Variants in SNX2 observed in about 807,000 individuals in gnomAD.
SNX2 encodes the protein sorting nexin-2.
A neutral mutation model predicts 69.9 loss-of-function variants in SNX2; 25 were observed. The ratio of observed to expected loss-of-function variants is 0.36; its 90% CI spans 0.26 to 0.50. The LOEUF is 0.50. SNX2 is among the 20% of genes least tolerant of loss of function. SNX2 has a pLI of 0.97. For missense variants in SNX2, 551 were observed against 613.3 expected, an observed-to-expected ratio of 0.90 and a Z score of 1.07; for synonymous variants, 229 against 200.4, an observed-to-expected ratio of 1.14 and a Z score of -1.20.
intron 1 of SNX2, among the ~76,000 whole-genome samples, chr5:122,794,480 C>G (rs754719688): frequency 1.8e-4 from 27 of 152,164 alleles, no homozygotes; most frequent in Non-Finnish European, 1.9e-4. Flanking sequence ...CTTTGAACTT[C>G]TTGGACATGC....
At chr5:122,793,430 A>G (rs542986406) in intron 1 of SNX2, among the ~76,000 whole-genome samples, 49 of 152,308 alleles carry the variant, frequency 3.2e-4, no homozygotes, top group African/African-American at 1.1e-3. Context: ...ATTGATCCAT[A>G]CTGGTAGAAG....
chr5:122,802,679 G>T (rs1753542973), intron 5 of SNX2, among the ~76,000 whole-genome samples: 1 of 152,176 alleles, frequency 6.6e-6, no homozygotes, highest in African/African-American at 2.4e-5. Context: ...AGGATTTCCA[G>T]TTAAAGGGAC....
chr5:122,814,153 A>G (rs1753846888), intron 7 of SNX2, among the ~76,000 whole-genome samples: 5 of 152,204 alleles, frequency 3.3e-5, no homozygotes, highest in Admixed American at 3.3e-4. Context: ...GCTATTACCT[A>G]GCTGTTGTAT....
intron 12 of SNX2, chr5:122,826,489 G>T (rs1414613577): frequency 5.2e-6 from 1 of 192,822 alleles, no homozygotes; most frequent in East Asian, 1.9e-4. Flanking sequence ...ATTATTTTGT[G>T]TCTAAAAATG....
intron 1 of SNX2, among the ~76,000 whole-genome samples, chr5:122,788,940 CTTAT>C (rs1753149690): frequency 6.6e-6 from 1 of 152,100 alleles, no homozygotes; most frequent in Non-Finnish European, 1.5e-5. Context: ...TGTCTTTTCT[CTTAT>C]TTGGTCACAT....
intron 11 of SNX2, among the ~76,000 whole-genome samples, chr5:122,822,328 T>C (rs1457432280): frequency 6.6e-6 from 1 of 152,080 alleles, no homozygotes; most frequent in Non-Finnish European, 1.5e-5. Context: ...CGTGATCTAC[T>C]CACCTCGGCG....
At chr5:122,790,003 T>C (rs180913532) in intron 1 of SNX2, among the ~76,000 whole-genome samples, 2 of 152,296 alleles carry the variant, frequency 1.3e-5, no homozygotes, top group Admixed American at 6.5e-5. Flanking sequence ...TATCACAGTT[T>C]TTAAGGGTTG....
At chr5:122,814,712 A>G (rs1395054368) in intron 7 of SNX2, among the ~76,000 whole-genome samples, 1 of 151,840 alleles carries the variant, frequency 6.6e-6, no homozygotes, top group Non-Finnish European at 1.5e-5. Flanking sequence ...TAACTGAAAT[A>G]TTACTGCATA....
rs772366081 is a variant in SNX2, at chr5:122,816,940, C to G, written c.824C>G (p.Ala275Gly). 3 of 1,612,990 alleles carry G rather than the reference C, an allele frequency of 1.9e-6. No homozygotes were observed. ...SELPRAVNTQALSGAGILRMV... is the reference protein window; with the variant it reads ...SELPRAVNTQGLSGAGILRMV... Reference sequence around the variant, plus strand: ...CTGCCTAGAGCAGTTAATACACAGGCTCTGAGTGGAGCAGGAATATTGAGG... The same window carrying G: ...CTGCCTAGAGCAGTTAATACACAGGGTCTGAGTGGAGCAGGAATATTGAGG... The change falls in exon 9 of 15, where the codon GCT (alanine) becomes GGT (glycine). Residue 275 changes from alanine to glycine, a missense_variant. This residue lies in a region of SNX2 where 360 missense variants were observed against 450.4 expected (regional missense o/e 0.80). Transcript: ENST00000379516.
At chr5:122,787,252 G>A (rs892070009) in intron 1 of SNX2, among the ~76,000 whole-genome samples, 2 of 152,298 alleles carry the variant, frequency 1.3e-5, no homozygotes, top group South Asian at 2.1e-4. Context: ...GGGTGTGGTG[G>A]CTCACGCCTG....
intron 14 of SNX2, among the ~76,000 whole-genome samples, chr5:122,828,845 G>A (rs1361236886): frequency 1.3e-5 from 2 of 152,134 alleles, no homozygotes; most frequent in Admixed American, 6.5e-5. Context: ...TTGGCCGGGC[G>A]CAGCGGCTCA....
intron 11 of SNX2, among the ~76,000 whole-genome samples, chr5:122,822,327 C>A (rs1319402496): frequency 6.6e-6 from 1 of 152,220 alleles, no homozygotes; most frequent in Non-Finnish European, 1.5e-5. Context: ...TCGTGATCTA[C>A]TCACCTCGGC....
intron 11 of SNX2, among the ~76,000 whole-genome samples, chr5:122,819,707 G>A (rs1267383763): frequency 2.0e-5 from 3 of 152,150 alleles, no homozygotes; most frequent in Non-Finnish European, 4.4e-5. Flanking sequence ...TTGAATTTTT[G>A]TTATGGATAT....
chr5:122,817,137 T>C (rs1007916919), intron 9 of SNX2, 109 bp downstream of exon 9: 2 of 1,122,502 alleles, frequency 1.8e-6, no homozygotes, highest in Non-Finnish European at 1.3e-6. Flanking sequence ...TTATTGAGTT[T>C]AGTTCTCAGC....
In SNX2 at chr5:122,789,474, G is replaced by GACACACACACACACAC. The variant is rs60199625; in HGVS notation, c.109-5777_109-5762dup. ...ACACACACACACACAGACACACACG[G>GACACACACACACACAC]ACACACACACACACACACACACACA... On this transcript the variant is annotated intron_variant, in intron 1 of 14. Transcript: ENST00000379516. 1.6e-3 allele frequency among the ~76,000 whole-genome samples: 233 copies of GACACACACACACACAC among 144,706 alleles called. 1 individual carries two copies. The East Asian group carries it at 0.027, about 17-fold the overall frequency. 94.9% of individuals were successfully genotyped at this position (144,706 alleles called of 152,430 possible).
At chr5:122,822,312 T>G (rs1754042709) in intron 11 of SNX2, among the ~76,000 whole-genome samples, 1 of 152,130 alleles carries the variant, frequency 6.6e-6, no homozygotes, top group Non-Finnish European at 1.5e-5. Context: ...GCCTATCTCT[T>G]GACCTCGTGA....
In SNX2 at chr5:122,798,305, A is replaced by G. The variant is rs559246545; in HGVS notation, c.227-1387A>G. On this transcript the variant is annotated intron_variant, in intron 2 of 14. Transcript: ENST00000379516. ...TTATCTATAGCCTGTTTCAACATAT[A>G]TAGTCCATTTTCCTTCCTCTGGTTA... Among the ~76,000 whole-genome samples, 6 of 152,262 alleles carry G rather than the reference A, an allele frequency of 3.9e-5. No homozygotes were observed. In the East Asian group the frequency reaches 5.8e-4, roughly 15 times the overall value.
intron 1 of SNX2, among the ~76,000 whole-genome samples, chr5:122,789,442 T>C (rs6899055): frequency 4.8e-4 from 68 of 141,590 alleles, no homozygotes; most frequent in East Asian, 1.0e-3. Context: ...CACACACACA[T>C]ACACACACAC....
intron 1 of SNX2, among the ~76,000 whole-genome samples, chr5:122,783,782 C>A (rs1022417480): frequency 2.6e-5 from 4 of 152,034 alleles, no homozygotes. Flanking sequence ...ATTTTAGAAT[C>A]AATTTGTTGA....
Sources: allele counts gnomAD v4.1 joint callset (sites outside exome capture counted in the v4.1 genomes callset), GRCh38; gene constraint gnomAD v4.1.1; regional missense constraint gnomAD v4.1.1; transcripts MANE v1.5; gene names NCBI Gene and HGNC (gene_info 2026-07-23, HGNC 2026-07-21).